Variants in CNTN5 observed in about 807,000 individuals in gnomAD.
CNTN5 encodes the protein contactin-5.
A neutral mutation model predicts 129.1 loss-of-function variants in CNTN5; 77 were observed. The observed-to-expected ratio is 0.60, with a 90% CI of 0.50 to 0.72. The LOEUF is 0.72. Among genes scored for constraint, CNTN5 ranks in the 30% least tolerant of loss-of-function variants. The pLI, the probability that CNTN5 is intolerant of heterozygous loss-of-function variation, is 0.00. For missense variants in CNTN5, 1,478 were observed against 1,328.8 expected, an observed-to-expected ratio of 1.11 and a Z score of -1.75; for synonymous variants, 509 against 465.6, an observed-to-expected ratio of 1.09 and a Z score of -1.20.
intron 3 of CNTN5, among the ~76,000 whole-genome samples, chr11:99,666,645 C>T (rs1348060292): frequency 3.3e-5 from 5 of 152,092 alleles, no homozygotes; most frequent in East Asian, 3.9e-4. Flanking sequence ...TGGTGGAGTT[C>T]GGAGACAGCC....
chr11:99,731,815 T>G (rs1469207970), intron 3 of CNTN5, among the ~76,000 whole-genome samples: 1 of 152,204 alleles, frequency 6.6e-6, no homozygotes, highest in Non-Finnish European at 1.5e-5. Context: ...AGGGCTAGAC[T>G]GCAAATTGGC....
rs185634583 is a variant in CNTN5, at chr11:99,157,876, G to C, written c.-210+136606G>C. 6.5e-3 allele frequency among the ~76,000 whole-genome samples: 996 copies of C among 152,266 alleles called. 4 individuals carry two copies. Among genetic ancestry groups the C allele is most frequent in the Non-Finnish European group, 0.011 (759 of 68,008 alleles). ...GGCAGATGGATAAATAAATAATTAA[G>C]AAACTGAGTGGCATATGCTGAAACT... On this transcript the variant is annotated intron_variant, in intron 1 of 24. Coordinates refer to ENST00000524871, the MANE Select transcript of CNTN5 (RefSeq NM_014361.4).
chr11:99,985,289 A>G (rs531001771), intron 8 of CNTN5, among the ~76,000 whole-genome samples: 29 of 152,258 alleles, frequency 1.9e-4, no homozygotes, highest in East Asian at 1.9e-4. Context: ...TTATTTAGCA[A>G]TGGAAATGGT....
chr11:99,261,464 G>A (rs1190794052), intron 1 of CNTN5, among the ~76,000 whole-genome samples: 4 of 151,780 alleles, frequency 2.6e-5, no homozygotes, highest in Non-Finnish European at 4.4e-5. Flanking sequence ...AATGTGTTTT[G>A]TTTATCTATA....
At chr11:99,150,583 A>T (rs943331695) in intron 1 of CNTN5, among the ~76,000 whole-genome samples, 53 of 152,050 alleles carry the variant, frequency 3.5e-4, no homozygotes, top group African/African-American at 1.3e-3. Context: ...AATTTGTATC[A>T]CATCTTTATT....
chr11:99,926,416 A>G (rs939824921), intron 7 of CNTN5, among the ~76,000 whole-genome samples: 1 of 152,216 alleles, frequency 6.6e-6, no homozygotes, highest in African/African-American at 2.4e-5. Context: ...AAAATAATAA[A>G]TAAATACCAG....
At chr11:99,198,076 G>C (rs1858993898) in intron 1 of CNTN5, among the ~76,000 whole-genome samples, 1 of 152,126 alleles carries the variant, frequency 6.6e-6, no homozygotes, top group African/African-American at 2.4e-5. Context: ...GTAGAAATGA[G>C]GATTTCTTCC....
At chr11:99,038,099 C>A (rs1863832333) in intron 1 of CNTN5, among the ~76,000 whole-genome samples, 1 of 151,918 alleles carries the variant, frequency 6.6e-6, no homozygotes, top group Non-Finnish European at 1.5e-5. Context: ...TCATAAAGAA[C>A]AATTACCTTT....
intron 1 of CNTN5, among the ~76,000 whole-genome samples, chr11:99,032,336 C>T (rs1321715871): frequency 7.9e-5 from 12 of 151,050 alleles, no homozygotes; most frequent in African/African-American, 2.9e-4. Flanking sequence ...CCTGAGGAAT[C>T]GCCACACTGA....
intron 7 of CNTN5, among the ~76,000 whole-genome samples, chr11:99,951,814 A>G (rs1950683815): frequency 6.6e-6 from 1 of 152,010 alleles, no homozygotes; most frequent in South Asian, 2.1e-4. Flanking sequence ...AGCCAGAACA[A>G]GCCAATTTTG....
At chr11:99,513,372 G>C (rs552058805) in intron 2 of CNTN5, among the ~76,000 whole-genome samples, 2 of 152,284 alleles carry the variant, frequency 1.3e-5, no homozygotes, top group East Asian at 3.9e-4. Flanking sequence ...TCATCCAGAA[G>C]ATCTAGTTAA....
At chr11:99,806,438 G>T (rs1416486952) in intron 3 of CNTN5, among the ~76,000 whole-genome samples, 5 of 152,164 alleles carry the variant, frequency 3.3e-5, no homozygotes, top group African/African-American at 1.2e-4. Context: ...GAGTGAGTGT[G>T]TGTGTGTATT....
At chr11:99,178,314 CCACACACACACACACACACACACACACA>C (rs71046672) in intron 1 of CNTN5, among the ~76,000 whole-genome samples, 2 of 125,468 alleles carry the variant, frequency 1.6e-5, no homozygotes, top group African/African-American at 3.0e-5. Flanking sequence ...GACCTCATCT[CCACACACACACACACACACACACACACA>C]CACACACACA....
intron 1 of CNTN5, among the ~76,000 whole-genome samples, chr11:99,294,815 TG>T (rs762625362): frequency 1.5e-4 from 23 of 152,230 alleles, no homozygotes; most frequent in Non-Finnish European, 2.9e-4. Context: ...CAGCTATTTT[TG>T]TGGCTTTAAC....
intron 6 of CNTN5, among the ~76,000 whole-genome samples, chr11:99,898,807 C>T (rs944119928): frequency 6.6e-6 from 1 of 151,780 alleles, no homozygotes; most frequent in South Asian, 2.1e-4. Context: ...ATAACATTCC[C>T]AAGTAATGTT....
intron 6 of CNTN5, among the ~76,000 whole-genome samples, chr11:99,886,830 T>C (rs1948913158): frequency 6.6e-6 from 1 of 152,226 alleles, no homozygotes; most frequent in Non-Finnish European, 1.5e-5. Flanking sequence ...TGCAACCTAC[T>C]TCATTTTTCT....
In CNTN5 at chr11:99,686,575, GT is replaced by G. The variant is rs892956027; in HGVS notation, c.55+130314del. On this transcript the variant is annotated intron_variant, in intron 3 of 24. Transcript: ENST00000524871. ...TGCTTTTGCAATGCCGTTATTTAAA[GT>G]TTTTTTTCCGGAACTTTTATCTCTC... Among the ~76,000 whole-genome samples, 337 of 151,936 alleles carry G rather than the reference GT, an allele frequency of 2.2e-3. 1 individual carries two copies. The highest frequency in any genetic ancestry group is 7.7e-3 in the African/African-American group (319 of 41,442).
intron 8 of CNTN5, among the ~76,000 whole-genome samples, chr11:99,998,724 C>T (rs1249017397): frequency 7.0e-6 from 1 of 143,060 alleles, no homozygotes; most frequent in Admixed American, 7.4e-5. Context: ...AAGAACAAAG[C>T]TGGAGGCATC....
At chr11:99,127,916 A>G (rs1029100379) in intron 1 of CNTN5, among the ~76,000 whole-genome samples, 3 of 152,150 alleles carry the variant, frequency 2.0e-5, no homozygotes, top group Admixed American at 2.0e-4. Flanking sequence ...TTTAGGGCTA[A>G]CTTTCTTCAG....
Sources: gnomAD v4.1 joint callset for allele counts (sites outside exome capture counted in the v4.1 genomes callset) on GRCh38, gnomAD v4.1.1 for gene constraint, MANE v1.5 for transcripts, NCBI Gene and HGNC (gene_info 2026-07-23, HGNC 2026-07-21) for gene names.